The following PEAK1 variants were observed in gnomAD, a reference collection of about 807,000 sequenced individuals.
The protein encoded by PEAK1 is inactive tyrosine-protein kinase PEAK1.
A neutral mutation model predicts 124.7 loss-of-function variants in PEAK1; 54 were observed. The ratio of observed to expected loss-of-function variants is 0.43; its 90% CI spans 0.35 to 0.54. The LOEUF (loss-of-function observed/expected upper bound fraction) is 0.54, where lower values mean the gene tolerates loss of function less well. Ranked by LOEUF, PEAK1 falls within the 20% of genes least tolerant of loss-of-function variation. The pLI is 0.01. For missense variants in PEAK1, 2,046 were observed against 2,134.5 expected (o/e 0.96, Z 0.82); for synonymous variants, 719 against 760.0 (o/e 0.95, Z 0.89).
intron 1 of PEAK1, among the ~76,000 whole-genome samples, chr15:77,365,671 C>G (rs557577953): frequency 7.0e-6 from 1 of 142,014 alleles, no homozygotes; most frequent in East Asian, 2.1e-4. Flanking sequence ...ACCCGGGAGG[C>G]GGAGGTTGCA....
intron 3 of PEAK1, among the ~76,000 whole-genome samples, chr15:77,285,904 ATTTG>A (rs1192994995): frequency 6.6e-6 from 1 of 151,646 alleles, no homozygotes; most frequent in Non-Finnish European, 1.5e-5. Context: ...TAGCTTTTGA[ATTTG>A]TTTGTTATTG....
chr15:77,117,891 CACAG>C (rs1464544848), intron 9 of PEAK1, among the ~76,000 whole-genome samples: 1 of 152,156 alleles, frequency 6.6e-6, no homozygotes, highest in Non-Finnish European at 1.5e-5. Context: ...TAGACATTCA[CACAG>C]ACACACACAT....
chr15:77,237,347 C>A (rs2060166596), intron 6 of PEAK1, among the ~76,000 whole-genome samples: 1 of 151,934 alleles, frequency 6.6e-6, no homozygotes, highest in Non-Finnish European at 1.5e-5. Context: ...CACAGGTTTT[C>A]ATATGTAGGG....
At chr15:77,227,246 ATT>A (rs1441096256) in intron 6 of PEAK1, among the ~76,000 whole-genome samples, 1 of 152,176 alleles carries the variant, frequency 6.6e-6, no homozygotes, top group African/African-American at 2.4e-5. Flanking sequence ...CAAATTTACC[ATT>A]CTTATTACAT....
intron 2 of PEAK1, among the ~76,000 whole-genome samples, chr15:77,300,666 T>A (rs950793701): frequency 2.6e-5 from 4 of 152,176 alleles, no homozygotes; most frequent in Non-Finnish European, 5.9e-5. Context: ...CAGTTTTTCC[T>A]TAATGCCCTT....
At chr15:77,257,195 A>C (rs1205603611) in intron 5 of PEAK1, among the ~76,000 whole-genome samples, 1 of 152,060 alleles carries the variant, frequency 6.6e-6, no homozygotes, top group African/African-American at 2.4e-5. Flanking sequence ...ATACGTGTGC[A>C]TGTGTCTTTA....
intron 8 of PEAK1, among the ~76,000 whole-genome samples, chr15:77,135,161 A>T (rs1218086953): frequency 6.6e-6 from 1 of 152,210 alleles, no homozygotes; most frequent in African/African-American, 2.4e-5. Context: ...TGTTGTTCTA[A>T]GCCACCCATT....
At chr15:77,150,672 C>T (rs536061304) in intron 8 of PEAK1, among the ~76,000 whole-genome samples, 77 of 128,176 alleles carry the variant, frequency 6.0e-4, no homozygotes, top group African/African-American at 2.2e-3. Context: ...CTCCCCCCAC[C>T]CCACAACATT....
At chr15:77,340,846 C>T (rs896980328) in intron 2 of PEAK1, among the ~76,000 whole-genome samples, 1 of 152,170 alleles carries the variant, frequency 6.6e-6, no homozygotes, top group South Asian at 2.1e-4. Context: ...ACCACCTGCA[C>T]TCTGACCAAC....
At chr15:77,210,157 A>G (rs910635679) in intron 6 of PEAK1, among the ~76,000 whole-genome samples, 3 of 152,186 alleles carry the variant, frequency 2.0e-5, no homozygotes, top group African/African-American at 7.2e-5. Context: ...CTATCCTTAT[A>G]TTTACTTCTT....
At chr15:77,195,273 C>T (rs2058045629) in intron 6 of PEAK1, among the ~76,000 whole-genome samples, 1 of 152,056 alleles carries the variant, frequency 6.6e-6, no homozygotes, top group Admixed American at 6.6e-5. Context: ...AGAATTCATT[C>T]TTTCAAAGGA....
intron 2 of PEAK1, among the ~76,000 whole-genome samples, chr15:77,341,470 A>G (rs1350613285): frequency 2.0e-5 from 3 of 152,022 alleles, no homozygotes; most frequent in Non-Finnish European, 2.9e-5. Context: ...ACTGCACTCC[A>G]GCCTGGGTGA....
chr15:77,247,141 G>T (rs1435889334), intron 6 of PEAK1, among the ~76,000 whole-genome samples: 2 of 152,144 alleles, frequency 1.3e-5, no homozygotes, highest in Non-Finnish European at 2.9e-5. Flanking sequence ...CTGGGATTTT[G>T]TGCATAGAAA....
intron 1 of PEAK1, among the ~76,000 whole-genome samples, chr15:77,367,232 T>C (rs1033941363): frequency 1.3e-5 from 2 of 152,190 alleles, no homozygotes; most frequent in Non-Finnish European, 2.9e-5. Flanking sequence ...GCTTAATGAC[T>C]AACAGAAGAA....
chr15:77,105,156 A>G (rs1012113512), downstream of PEAK1: 1 of 152,160 alleles, frequency 6.6e-6, no homozygotes, highest in Non-Finnish European at 1.5e-5. Flanking sequence ...CCTGGTGGGG[A>G]AAACCCAAGT....
At chr15:77,188,993 G>A (rs1360804971) in intron 6 of PEAK1, among the ~76,000 whole-genome samples, 14 of 152,066 alleles carry the variant, frequency 9.2e-5, no homozygotes, top group Non-Finnish European at 1.5e-5. Flanking sequence ...CTGAAGTCAG[G>A]AGTTTGAGAC....
At chr15:77,168,918 G>A (rs1470754337) in intron 7 of PEAK1, among the ~76,000 whole-genome samples, 1 of 152,058 alleles carries the variant, frequency 6.6e-6, no homozygotes, top group Non-Finnish European at 1.5e-5. Flanking sequence ...ACATGCCGGG[G>A]GTCTTTGCTA....
At chr15:77,306,124 A>G (rs2064089201) in intron 2 of PEAK1, among the ~76,000 whole-genome samples, 1 of 152,056 alleles carries the variant, frequency 6.6e-6, no homozygotes, top group South Asian at 2.1e-4. Flanking sequence ...ATATGGCACA[A>G]CCCGTTTTGC....
rs1321384650 is a variant in PEAK1 at position 77,336,873 on chromosome 15, G to A, written c.-603+28290C>T. Among the ~76,000 whole-genome samples the A allele has an allele frequency of 2.7e-5, 4 of 150,486 alleles. No homozygotes were observed. In the East Asian group the frequency reaches 7.8e-4, roughly 29 times the overall value. On this transcript the variant is annotated intron_variant, in intron 2 of 9. Transcript: ENST00000682557. ...TTGCATATAGCAACAAAAATAGATT[G>A]TTTAAATATAGGGCTAAATGAAAAA...
Sources: gnomAD v4.1 joint callset for allele counts (sites outside exome capture counted in the v4.1 genomes callset) on GRCh38, gnomAD v4.1.1 for gene constraint, MANE v1.5 for transcripts, NCBI Gene and HGNC (gene_info 2026-07-23, HGNC 2026-07-21) for gene names.